The following SPOCK3 variants were observed in gnomAD, a reference collection of about 807,000 sequenced individuals.
The protein encoded by SPOCK3 is SPARC (osteonectin), cwcv and kazal like domains proteoglycan 3, also known as testican-3.
In SPOCK3, 30 loss-of-function variants were observed where a neutral mutation model predicts 56.6. That is an observed-to-expected ratio of 0.53 (90% CI 0.40 to 0.72). The LOEUF is 0.72. SPOCK3 is among the 30% of genes least tolerant of loss of function. The probability of loss-of-function intolerance (pLI) is 0.00; values close to 1 mark genes in which losing one functional copy is unlikely to be tolerated. For missense variants in SPOCK3, 527 were observed against 530.0 expected (o/e 0.99, Z 0.06); for synonymous variants, 196 against 183.3 (o/e 1.07, Z -0.56).
At chr4:167,103,150 A>T (rs1310603880) in intron 2 of SPOCK3, among the ~76,000 whole-genome samples, 1 of 151,958 alleles carries the variant, frequency 6.6e-6, no homozygotes, top group African/African-American at 2.4e-5. Context: ...GGAAGAATGA[A>T]TTACCTGCTG....
intron 2 of SPOCK3, among the ~76,000 whole-genome samples, chr4:167,222,154 C>T (rs2111107922): frequency 6.6e-6 from 1 of 152,128 alleles, no homozygotes; most frequent in East Asian, 1.9e-4. Flanking sequence ...TCACATGCCA[C>T]AACATGGATG....
At chr4:167,008,579 T>C (rs1235367225) in intron 3 of SPOCK3, among the ~76,000 whole-genome samples, 1 of 152,104 alleles carries the variant, frequency 6.6e-6, no homozygotes, top group Non-Finnish European at 1.5e-5. Context: ...CAAGTAAACC[T>C]GTGCTTATAT....
At chr4:166,844,743 T>A (rs1389123146) in intron 6 of SPOCK3, among the ~76,000 whole-genome samples, 1 of 152,202 alleles carries the variant, frequency 6.6e-6, no homozygotes, top group Admixed American at 6.5e-5. Flanking sequence ...TATATCTACA[T>A]CTATATCTAT....
At chr4:167,017,973 AT>A (rs1298313002) in intron 3 of SPOCK3, among the ~76,000 whole-genome samples, 1 of 152,014 alleles carries the variant, frequency 6.6e-6, no homozygotes, top group African/African-American at 2.4e-5. Flanking sequence ...CGTATTGTAC[AT>A]TTTTTTCTTT....
At chr4:167,120,127 T>G (rs950680609) in intron 2 of SPOCK3, among the ~76,000 whole-genome samples, 13 of 152,064 alleles carry the variant, frequency 8.5e-5, no homozygotes. Context: ...ACACCTAATT[T>G]CAAGAGGCAC....
intron 5 of SPOCK3, among the ~76,000 whole-genome samples, chr4:166,906,638 T>A (rs566355396): frequency 1.7e-4 from 26 of 152,086 alleles, no homozygotes; most frequent in African/African-American, 6.3e-4. Flanking sequence ...CAATATAGGC[T>A]TATTTATCAT....
intron 7 of SPOCK3, among the ~76,000 whole-genome samples, chr4:166,775,250 T>G (rs935732700): frequency 6.6e-6 from 1 of 151,898 alleles, no homozygotes; most frequent in East Asian, 1.9e-4. Context: ...GGTGACGGGG[T>G]CAGAGCATGA....
chr4:166,894,388 A>C (rs1374065459), intron 5 of SPOCK3, among the ~76,000 whole-genome samples: 1 of 152,126 alleles, frequency 6.6e-6, no homozygotes, highest in Non-Finnish European at 1.5e-5. Flanking sequence ...AGATGTGAGC[A>C]TAGGTGCTCC....
At chr4:166,913,360 C>A (rs139969217) in intron 4 of SPOCK3, among the ~76,000 whole-genome samples, 4 of 152,246 alleles carry the variant, frequency 2.6e-5, no homozygotes, top group East Asian at 1.9e-4. Context: ...CCTACACTTA[C>A]GATTGTTTGT....
chr4:167,178,163 C>A (rs1014072132), intron 2 of SPOCK3, among the ~76,000 whole-genome samples: 3 of 152,124 alleles, frequency 2.0e-5, no homozygotes, highest in Admixed American at 1.3e-4. Flanking sequence ...GAGCTCACCA[C>A]AAAGATCTTC....
chr4:167,144,566 A>G (rs1763783434), intron 2 of SPOCK3, among the ~76,000 whole-genome samples: 1 of 152,016 alleles, frequency 6.6e-6, no homozygotes, highest in Non-Finnish European at 1.5e-5. Context: ...AGGAAAAAGA[A>G]TATTAGTGAA....
intron 2 of SPOCK3, among the ~76,000 whole-genome samples, chr4:167,187,465 C>T (rs1378268434): frequency 1.3e-5 from 2 of 152,004 alleles, no homozygotes; most frequent in Non-Finnish European, 2.9e-5. Flanking sequence ...CTACACATTA[C>T]AATTTTTTCT....
intron 7 of SPOCK3, among the ~76,000 whole-genome samples, chr4:166,767,890 A>C (rs9685077): frequency 0.33 from 49,678 of 152,078 alleles, 8,334 homozygotes; most frequent in Admixed American, 0.42. Flanking sequence ...GGGTGCATAC[A>C]TATTTAAGAT....
chr4:167,173,249 TTTTTAC>T (rs1235268244), intron 2 of SPOCK3, among the ~76,000 whole-genome samples: 1 of 152,152 alleles, frequency 6.6e-6, no homozygotes, highest in African/African-American at 2.4e-5. Context: ...TATCTCTGTA[TTTTTAC>T]TTTTCATTAT....
At chr4:167,212,209 G>A (rs1200026923) in intron 2 of SPOCK3, among the ~76,000 whole-genome samples, 3 of 150,116 alleles carry the variant, frequency 2.0e-5, no homozygotes, top group Non-Finnish European at 4.4e-5. Flanking sequence ...GTACAGTTTT[G>A]TTTTGTTTAT....
intron 5 of SPOCK3, among the ~76,000 whole-genome samples, chr4:166,898,701 A>G (rs1735679197): frequency 6.6e-6 from 1 of 152,186 alleles, no homozygotes; most frequent in South Asian, 2.1e-4. Flanking sequence ...CTCCCTTACC[A>G]TGAGTGAGCC....
At chr4:167,174,057 A>G (rs570832103) in intron 2 of SPOCK3, among the ~76,000 whole-genome samples, 1 of 152,264 alleles carries the variant, frequency 6.6e-6, no homozygotes, top group African/African-American at 2.4e-5. Flanking sequence ...TTTGGTTACC[A>G]TTGTTTTTTA....
In SPOCK3 at chr4:166,850,965, A is replaced by C. The variant is rs549017731; in HGVS notation, c.589+38165T>G. On this transcript the variant is annotated intron_variant, in intron 6 of 10. Transcript: ENST00000357545. ...GAAGCTCGAACTGGGTGGAGCCCAC[A>C]ACAGCTTAAGGAGGCCTGCCTGCCT... 3.9e-3 allele frequency among the ~76,000 whole-genome samples: 596 copies of C among 152,314 alleles called. 3 individuals are homozygous for C. The highest frequency in any genetic ancestry group is 0.012 in the African/African-American group (503 of 41,560).
At chr4:166,920,284 C>T (rs1275421514) in intron 4 of SPOCK3, among the ~76,000 whole-genome samples, 3 of 152,114 alleles carry the variant, frequency 2.0e-5, no homozygotes, top group Admixed American at 2.0e-4. Context: ...TTAGAATCTT[C>T]ACCACCACCA....
Sources: gnomAD v4.1 joint callset for allele counts (sites outside exome capture counted in the v4.1 genomes callset) on GRCh38, gnomAD v4.1.1 for gene constraint, MANE v1.5 for transcripts, NCBI Gene and HGNC (gene_info 2026-07-23, HGNC 2026-07-21) for gene names.